Variants in CCDC149 observed in about 807,000 individuals in gnomAD.
CCDC149 encodes the protein coiled-coil domain-containing protein 149.
CCDC149 carries 45 observed loss-of-function variants against 59.9 expected under a neutral mutation model. That is an observed-to-expected ratio of 0.75 (90% CI 0.59 to 0.96). The LOEUF (loss-of-function observed/expected upper bound fraction) is 0.96. CCDC149 is among the 40% of genes least tolerant of loss of function. CCDC149 has a pLI of 0.00. For synonymous variants in CCDC149, 245 were observed against 260.6 expected (o/e 0.94, Z 0.58); for missense variants, 584 against 664.7 (o/e 0.88, Z 1.33).
chr4:24,856,840 G>A (rs1329790589), intron 3 of CCDC149, among the ~76,000 whole-genome samples: 3 of 152,146 alleles, frequency 2.0e-5, no homozygotes, highest in Admixed American at 1.3e-4. Flanking sequence ...CTTTTCCCTG[G>A]CAGCAAACAT....
intron 12 of CCDC149, among the ~76,000 whole-genome samples, chr4:24,809,623 A>G (rs1714468290): frequency 6.6e-6 from 1 of 152,228 alleles, no homozygotes; most frequent in African/African-American, 2.4e-5. Flanking sequence ...TGTGCATTCA[A>G]TAACAGACAC....
intron 1 of CCDC149, among the ~76,000 whole-genome samples, chr4:24,904,873 T>C (rs183594141): frequency 6.6e-6 from 1 of 152,256 alleles, no homozygotes; most frequent in South Asian, 2.1e-4. Flanking sequence ...CATTTAAAAA[T>C]TCAGATTGTT....
At chr4:24,894,880 C>A (rs1720750030) in intron 1 of CCDC149, 2 of 1,403,512 alleles carry the variant, frequency 1.4e-6, no homozygotes, top group African/African-American at 1.4e-5. Context: ...GTGCTAGAAC[C>A]AAACAGAACC....
chr4:24,951,384 T>C (rs988679990), intron 1 of CCDC149, among the ~76,000 whole-genome samples: 3 of 152,154 alleles, frequency 2.0e-5, no homozygotes, highest in Non-Finnish European at 4.4e-5. Flanking sequence ...AAATATGCCA[T>C]AGTCAGTCAT....
intron 9 of CCDC149, among the ~76,000 whole-genome samples, chr4:24,823,815 T>C (rs960483181): frequency 6.6e-6 from 1 of 152,238 alleles, no homozygotes; most frequent in Non-Finnish European, 1.5e-5. Flanking sequence ...TTAGAGCTTT[T>C]CTTTTCTTCT....
chr4:24,941,912 C>A (rs1376742805), intron 1 of CCDC149, among the ~76,000 whole-genome samples: 1 of 152,116 alleles, frequency 6.6e-6, no homozygotes, highest in Non-Finnish European at 1.5e-5. Context: ...TAATAGCTTA[C>A]CAACCAAAAA....
chr4:24,931,546 C>A (rs962211297), intron 1 of CCDC149, among the ~76,000 whole-genome samples: 1 of 151,240 alleles, frequency 6.6e-6, no homozygotes, highest in Non-Finnish European at 1.5e-5. Context: ...GGGTTAGTGA[C>A]CTTCTCATTC....
intron 3 of CCDC149, among the ~76,000 whole-genome samples, chr4:24,869,230 G>A (rs1030801492): frequency 3.3e-5 from 5 of 152,236 alleles, no homozygotes; most frequent in Admixed American, 2.6e-4. Context: ...ATTGGCCTGA[G>A]CCTGGAACTT....
chr4:24,822,218 GAC>G (rs1176633201), intron 10 of CCDC149, among the ~76,000 whole-genome samples: 1 of 151,952 alleles, frequency 6.6e-6, no homozygotes, highest in African/African-American at 2.4e-5. Flanking sequence ...AAAAAATACA[GAC>G]ACAGTGACAA....
downstream of CCDC149, among the ~76,000 whole-genome samples, chr4:24,804,589 A>G (rs1488906813): frequency 1.3e-5 from 2 of 152,106 alleles, no homozygotes; most frequent in African/African-American, 2.4e-5. Flanking sequence ...TGGAGTGAAA[A>G]CCAACAGGGG....
chr4:24,824,784 C>A (rs1457736885), intron 9 of CCDC149, among the ~76,000 whole-genome samples: 1 of 152,226 alleles, frequency 6.6e-6, no homozygotes, highest in African/African-American at 2.4e-5. Context: ...GCTTCTGAAG[C>A]ACATGCTCTT....
At chr4:24,935,525 C>T (rs763085067) in intron 1 of CCDC149, among the ~76,000 whole-genome samples, 11 of 152,042 alleles carry the variant, frequency 7.2e-5, no homozygotes, top group Non-Finnish European at 1.5e-4. Context: ...TAGGTCATGA[C>T]AGCAGAACCC....
At chr4:24,918,280 GA>G (rs532779004) in intron 1 of CCDC149, among the ~76,000 whole-genome samples, 21 of 151,920 alleles carry the variant, frequency 1.4e-4, no homozygotes, top group African/African-American at 2.9e-4. Context: ...TGGGGATGGG[GA>G]AAAAAAACAA....
intron 1 of CCDC149, among the ~76,000 whole-genome samples, chr4:24,945,046 A>T (rs1029245664): frequency 6.6e-6 from 1 of 152,176 alleles, no homozygotes; most frequent in Non-Finnish European, 1.5e-5. Context: ...CTTCTAGGAC[A>T]TTTGTCCTCA....
chr4:24,814,003 T>C (rs966091139), intron 12 of CCDC149, among the ~76,000 whole-genome samples: 2 of 152,232 alleles, frequency 1.3e-5, no homozygotes, highest in African/African-American at 4.8e-5. Context: ...CCACACCCTA[T>C]AGCTCTAATT....
intron 3 of CCDC149, among the ~76,000 whole-genome samples, chr4:24,860,545 A>C (rs1718311859): frequency 6.6e-6 from 1 of 152,174 alleles, no homozygotes; most frequent in African/African-American, 2.4e-5. Context: ...CAAATACATC[A>C]TGACCAGGAA....
intron 4 of CCDC149, among the ~76,000 whole-genome samples, chr4:24,851,641 T>C (rs1717664417): frequency 6.6e-6 from 1 of 152,194 alleles, no homozygotes; most frequent in Non-Finnish European, 1.5e-5. Flanking sequence ...AAAAGTCACA[T>C]CTTAAATATG....
At chr4:24,952,620 AAAAAAAATATATATATATATATATATAT>A (rs1723338707) in intron 1 of CCDC149, among the ~76,000 whole-genome samples, 1 of 26,638 alleles carries the variant, frequency 3.8e-5, no homozygotes, top group African/African-American at 1.4e-4. Flanking sequence ...AAAAAAAAAA[AAAAAAAATATATATATATATATATATAT>A]ATATATATAT....
intron 4 of CCDC149, among the ~76,000 whole-genome samples, chr4:24,847,085 G>A (rs1171482749): frequency 6.6e-6 from 1 of 152,184 alleles, no homozygotes; most frequent in African/African-American, 2.4e-5. Flanking sequence ...TGGTGATCAG[G>A]AGGGCTGACT....
Sources: gnomAD v4.1 joint callset for allele counts (sites outside exome capture counted in the v4.1 genomes callset) on GRCh38, gnomAD v4.1.1 for gene constraint, MANE v1.5 for transcripts, NCBI Gene and HGNC (gene_info 2026-07-23, HGNC 2026-07-21) for gene names.